Variants in LRRC4C observed in about 807,000 individuals in gnomAD.
The protein encoded by LRRC4C is leucine-rich repeat-containing protein 4C.
In LRRC4C, 5 loss-of-function variants were observed where a neutral mutation model predicts 33.6. That is an observed-to-expected ratio of 0.15 (90% CI 0.08 to 0.31). The LOEUF is 0.31. Ranked by LOEUF, LRRC4C falls within the 10% of genes least tolerant of loss-of-function variation. LRRC4C has a pLI of 1.00. For missense variants in LRRC4C, 560 were observed against 796.7 expected (o/e 0.70, Z 3.58); for synonymous variants, 329 against 302.0 (o/e 1.09, Z -0.93).
rs79960009 is a variant in LRRC4C at position 40,118,456 on chromosome 11, A to G, written c.-42-2122T>C. Among the ~76,000 whole-genome samples the G allele has an allele frequency of 1.4e-3, 219 of 152,268 alleles. 1 individual carries two copies. Among genetic ancestry groups the G allele is most frequent in the African/African-American group, 5.1e-3 (210 of 41,562 alleles). The stretch of plus-strand genomic sequence containing the variant: ...CAGATAAGCAAACAGATGAAGTACA[A>G]TGATATATGTTCATTGCTATGACAG... On this transcript the variant is annotated intron_variant, in intron 6 of 6. Transcript: ENST00000528697.
chr11:40,818,818 T>C (rs1951809622), intron 2 of LRRC4C, among the ~76,000 whole-genome samples: 1 of 152,092 alleles, frequency 6.6e-6, no homozygotes, highest in Non-Finnish European at 1.5e-5. Flanking sequence ...TTAATTTGTA[T>C]TTTGTTAACC....
chr11:40,283,859 C>T (rs1167677087), intron 4 of LRRC4C, among the ~76,000 whole-genome samples: 1 of 151,884 alleles, frequency 6.6e-6, no homozygotes, highest in Non-Finnish European at 1.5e-5. Flanking sequence ...CACGTGCCAC[C>T]ACACCCGGTT....
chr11:41,393,031 C>T (rs1389715782), intron 1 of LRRC4C, among the ~76,000 whole-genome samples: 1 of 151,796 alleles, frequency 6.6e-6, no homozygotes, highest in Admixed American at 6.6e-5. Flanking sequence ...CACAGCAGTT[C>T]TTCTGGTATG....
chr11:41,006,497 T>C (rs1854763551), intron 1 of LRRC4C, among the ~76,000 whole-genome samples: 1 of 152,180 alleles, frequency 6.6e-6, no homozygotes, highest in Admixed American at 6.5e-5. Flanking sequence ...TGTTTAACTT[T>C]CAAGCAGATG....
At chr11:40,382,840 C>T (rs548431428) in intron 3 of LRRC4C, among the ~76,000 whole-genome samples, 152 of 151,876 alleles carry the variant, frequency 1.0e-3, no homozygotes, top group African/African-American at 3.6e-3. Context: ...ACTACAGGCA[C>T]CCGCCACCAT....
chr11:41,283,506 A>T (rs1949732425), intron 1 of LRRC4C, among the ~76,000 whole-genome samples: 1 of 152,226 alleles, frequency 6.6e-6, no homozygotes, highest in Non-Finnish European at 1.5e-5. Context: ...GAGTGGTTGA[A>T]AAAACAAATT....
intron 2 of LRRC4C, among the ~76,000 whole-genome samples, chr11:40,661,501 C>A (rs940958172): frequency 6.6e-6 from 1 of 152,126 alleles, no homozygotes; most frequent in Non-Finnish European, 1.5e-5. Flanking sequence ...TAATCATCTG[C>A]ATTCATTATC....
chr11:41,027,208 A>C (rs1483630030), intron 1 of LRRC4C, among the ~76,000 whole-genome samples: 1 of 151,718 alleles, frequency 6.6e-6, no homozygotes, highest in African/African-American at 2.4e-5. Context: ...TTAGAAAAAA[A>C]GAAGGAAGAA....
chr11:40,358,859 C>CATTT lies in LRRC4C; in HGVS notation c.-269-39142_-269-39139dup, dbSNP rs541421433. ...ACACCAAGGAAGCTATTCATTCATT[C>CATTT]ATTTATTTATTTATTTATTTAATTT... On this transcript the variant is annotated intron_variant, in intron 3 of 6. Transcript: ENST00000528697. 3.1e-3 allele frequency among the ~76,000 whole-genome samples: 467 copies of CATTT among 152,026 alleles called. 4 individuals carry two copies. The highest frequency in any genetic ancestry group is 0.029 in the East Asian group (149 of 5,164).
intron 2 of LRRC4C, among the ~76,000 whole-genome samples, chr11:40,677,184 G>A (rs745881781): frequency 7.2e-5 from 11 of 151,966 alleles, no homozygotes; most frequent in Non-Finnish European, 1.3e-4. Flanking sequence ...ACAGGAGATC[G>A]ACACCAGCCT....
At chr11:40,542,918 G>A (rs900527575) in intron 3 of LRRC4C, among the ~76,000 whole-genome samples, 6 of 152,106 alleles carry the variant, frequency 3.9e-5, no homozygotes, top group African/African-American at 1.4e-4. Flanking sequence ...TAAACTGACA[G>A]TTACATTTTA....
At chr11:41,267,011 G>C (rs934677115) in intron 1 of LRRC4C, among the ~76,000 whole-genome samples, 3 of 152,052 alleles carry the variant, frequency 2.0e-5, no homozygotes, top group African/African-American at 7.2e-5. Context: ...ACTCACAAAG[G>C]CTAATCCACT....
At chr11:40,828,148 A>AAC (rs1396404844) in intron 2 of LRRC4C, among the ~76,000 whole-genome samples, 3 of 63,192 alleles carry the variant, frequency 4.7e-5, no homozygotes, top group South Asian at 8.1e-4. Flanking sequence ...TATGTATACA[A>AAC]ACATACACAC....
chr11:40,310,104 C>T (rs1945229171), intron 4 of LRRC4C, among the ~76,000 whole-genome samples: 1 of 152,078 alleles, frequency 6.6e-6, no homozygotes, highest in South Asian at 2.1e-4. Context: ...AATCATCCCC[C>T]CACTTCTCCA....
chr11:40,661,193 AG>A lies in LRRC4C; in HGVS notation c.-406-12916del, dbSNP rs1943415163. Among the ~76,000 whole-genome samples, 5 of 152,336 alleles carry A rather than the reference AG, an allele frequency of 3.3e-5. No homozygotes were observed. In the South Asian group the frequency reaches 1.0e-3, roughly 32 times the overall value. On this transcript the variant is annotated intron_variant, in intron 2 of 6. Transcript: ENST00000528697. Reference sequence around the variant, plus strand: ...ATGTGTTAATATATTGATTGCAAAAAGGAGATGATGCCAATGTGTATCCTGC... The same window carrying A: ...ATGTGTTAATATATTGATTGCAAAAAGAGATGATGCCAATGTGTATCCTGC...
At chr11:40,980,569 C>CAA (rs979037515) in intron 1 of LRRC4C, among the ~76,000 whole-genome samples, 1 of 149,198 alleles carries the variant, frequency 6.7e-6, no homozygotes, top group Non-Finnish European at 1.5e-5. Context: ...CAAGTAAAGA[C>CAA]AAAAAAAAAG....
At chr11:40,587,753 G>T (rs1958827260) in intron 3 of LRRC4C, among the ~76,000 whole-genome samples, 1 of 151,788 alleles carries the variant, frequency 6.6e-6, no homozygotes, top group Non-Finnish European at 1.5e-5. Context: ...TTTGTCTTTG[G>T]CTCTGTTTAT....
At chr11:40,419,003 G>A (rs1286975787) in intron 3 of LRRC4C, among the ~76,000 whole-genome samples, 1 of 152,110 alleles carries the variant, frequency 6.6e-6, no homozygotes, top group East Asian at 1.9e-4. Context: ...AGAGCATCAG[G>A]ATAAATAGCT....
chr11:40,964,831 G>A (rs201879969), intron 1 of LRRC4C, among the ~76,000 whole-genome samples: 34,982 of 151,052 alleles, frequency 0.23, 4,428 homozygotes, highest in Middle Eastern at 0.32. Flanking sequence ...CAATAAACAT[G>A]CGTGTGCATG....
Sources: gnomAD v4.1 joint callset for allele counts (sites outside exome capture counted in the v4.1 genomes callset) on GRCh38, gnomAD v4.1.1 for gene constraint, MANE v1.5 for transcripts, NCBI Gene and HGNC (gene_info 2026-07-23, HGNC 2026-07-21) for gene names.